TENM3: variants seen among roughly 807,000 people sequenced by gnomAD.
The protein encoded by TENM3 is teneurin transmembrane protein 3.
TENM3 carries 63 observed loss-of-function variants against 255.1 expected under a neutral mutation model. That is an observed-to-expected ratio of 0.25 (90% confidence interval 0.20 to 0.30). The LOEUF (loss-of-function observed/expected upper bound fraction) is 0.30. TENM3 is among the 10% of genes least tolerant of loss of function. The pLI, the probability that TENM3 is intolerant of heterozygous loss-of-function variation, is 1.00. For missense variants in TENM3, 2,929 were observed against 3,461.1 expected (o/e 0.85, Z 3.86); for synonymous variants, 1,306 against 1,322.3 (o/e 0.99, Z 0.27).
intron 5 of TENM3, among the ~76,000 whole-genome samples, chr4:182,633,986 G>A (rs1191142898): frequency 2.0e-5 from 3 of 152,170 alleles, no homozygotes; most frequent in Non-Finnish European, 1.5e-5. Context: ...ACCTTGCTAA[G>A]ATGCACGTCC....
the TENM3 span, among the ~76,000 whole-genome samples, chr4:181,904,426 T>G: frequency 6.6e-6 from 1 of 152,158 alleles, no homozygotes; most frequent in East Asian, 1.9e-4. Context: ...ATCCACTGTA[T>G]GCCTGTATCA....
At chr4:181,494,775 CT>C in the TENM3 span, among the ~76,000 whole-genome samples, 1 of 152,100 alleles carries the variant, frequency 6.6e-6, no homozygotes, top group Non-Finnish European at 1.5e-5. Context: ...TTCCAAAGTG[CT>C]TCCCATATTC....
chr4:181,536,733 C>T, the TENM3 span, among the ~76,000 whole-genome samples: 1 of 152,184 alleles, frequency 6.6e-6, no homozygotes, highest in African/African-American at 2.4e-5. Flanking sequence ...TTTAAAATAG[C>T]TTTCATTATT....
chr4:182,726,076 C>G (rs934842180), intron 13 of TENM3, among the ~76,000 whole-genome samples: 2 of 152,180 alleles, frequency 1.3e-5, no homozygotes, highest in African/African-American at 4.8e-5. Context: ...GTAATCAGAT[C>G]TGCTTATCAG....
chr4:182,298,078 C>T (rs780745747), intron 1 of TENM3, among the ~76,000 whole-genome samples: 14 of 152,198 alleles, frequency 9.2e-5, no homozygotes, highest in Non-Finnish European at 1.6e-4. Context: ...ATCCCCATCC[C>T]GGCACATGTA....
the TENM3 span, among the ~76,000 whole-genome samples, chr4:181,508,636 G>A: frequency 2.0e-5 from 3 of 152,058 alleles, no homozygotes; most frequent in Non-Finnish European, 4.4e-5. Flanking sequence ...GGCTCTGAAG[G>A]GTGACACTGT....
At chr4:181,584,177 T>A in the TENM3 span, among the ~76,000 whole-genome samples, 2 of 152,210 alleles carry the variant, frequency 1.3e-5, no homozygotes, top group Non-Finnish European at 2.9e-5. Context: ...GAAGAGGGGT[T>A]CTAGTATCTC....
At chr4:181,780,675 T>G in the TENM3 span, among the ~76,000 whole-genome samples, 1 of 152,142 alleles carries the variant, frequency 6.6e-6, no homozygotes, top group Admixed American at 6.5e-5. Context: ...CTTTTGTTGC[T>G]GTTGCTTTTG....
At chr4:182,783,559 T>C (rs1198607111) in intron 24 of TENM3, among the ~76,000 whole-genome samples, 1 of 150,368 alleles carries the variant, frequency 6.7e-6, no homozygotes, top group Non-Finnish European at 1.5e-5. Flanking sequence ...TCGAGGAGTA[T>C]CTTTGTGGCG....
intron 1 of TENM3, among the ~76,000 whole-genome samples, chr4:182,300,598 C>T (rs2150366575): frequency 6.6e-6 from 1 of 152,330 alleles, no homozygotes; most frequent in East Asian, 1.9e-4. Flanking sequence ...TCCAGTGAAG[C>T]TGAGATCAGT....
intron 1 of TENM3, among the ~76,000 whole-genome samples, chr4:182,254,676 G>A (rs1467501534): frequency 1.3e-5 from 2 of 152,140 alleles, no homozygotes; most frequent in Admixed American, 6.6e-5. Context: ...GAATTTGAAC[G>A]TGTGTGAGAA....
chr4:181,581,781 G>A, the TENM3 span, among the ~76,000 whole-genome samples: 3 of 150,282 alleles, frequency 2.0e-5, no homozygotes, highest in Non-Finnish European at 3.0e-5. Context: ...TGCCCAGGCT[G>A]GAGTGCAGTG....
At chr4:181,573,475 G>A in the TENM3 span, among the ~76,000 whole-genome samples, 1 of 151,896 alleles carries the variant, frequency 6.6e-6, no homozygotes, top group Admixed American at 6.6e-5. Context: ...CATGACTAAT[G>A]ATTACTGTTT....
intron 1 of TENM3, among the ~76,000 whole-genome samples, chr4:182,294,291 A>G (rs1352814308): frequency 1.3e-5 from 2 of 151,864 alleles, no homozygotes; most frequent in Admixed American, 6.6e-5. Flanking sequence ...AGATTTCTAG[A>G]TTGAAGATCT....
chr4:182,171,442 G>T (rs1465872652), intron 1 of TENM3, among the ~76,000 whole-genome samples: 1 of 152,118 alleles, frequency 6.6e-6, no homozygotes, highest in African/African-American at 2.4e-5. Context: ...AATGTGTTTA[G>T]CAGCCTTTCT....
the TENM3 span, among the ~76,000 whole-genome samples, chr4:182,016,572 A>G: frequency 6.6e-6 from 1 of 152,160 alleles, no homozygotes; most frequent in Non-Finnish European, 1.5e-5. Flanking sequence ...TGAGTTGTAA[A>G]TAGAAGGTCT....
chr4:181,731,166 A>AT, the TENM3 span, among the ~76,000 whole-genome samples: 1 of 152,172 alleles, frequency 6.6e-6, no homozygotes, highest in African/African-American at 2.4e-5. Context: ...TATGAGATAC[A>AT]TTTTTTTAAA....
At chr4:181,808,099 C>G in the TENM3 span, among the ~76,000 whole-genome samples, 6 of 152,332 alleles carry the variant, frequency 3.9e-5, no homozygotes, top group South Asian at 1.2e-3. Flanking sequence ...TGCCTAACCA[C>G]AGATAAAAAA....
intron 24 of TENM3, among the ~76,000 whole-genome samples, chr4:182,785,020 C>A (rs1314844221): frequency 6.6e-6 from 1 of 152,196 alleles, no homozygotes; most frequent in Non-Finnish European, 1.5e-5. Flanking sequence ...TCTTCGGCGT[C>A]TCTCATGCTG....
Sources: gnomAD v4.1 joint callset for allele counts (sites outside exome capture counted in the v4.1 genomes callset) on GRCh38, gnomAD v4.1.1 for gene constraint, MANE v1.5 for transcripts, NCBI Gene and HGNC (gene_info 2026-07-23, HGNC 2026-07-21) for gene names.